MACROD2: variants seen among roughly 807,000 people sequenced by gnomAD.
MACROD2 encodes the protein ADP-ribose glycohydrolase MACROD2.
A neutral mutation model predicts 70.4 loss-of-function variants in MACROD2; 36 were observed. That is an observed-to-expected ratio of 0.51 (90% CI 0.39 to 0.68). The LOEUF is 0.68. MACROD2 is among the 30% of genes least tolerant of loss of function. The pLI, the probability that MACROD2 is intolerant of heterozygous loss-of-function variation, is 0.00. For missense variants in MACROD2, 496 were observed against 538.4 expected (o/e 0.92, Z 0.78); for synonymous variants, 172 against 178.8 (o/e 0.96, Z 0.30).
At chr20:15,981,199 G>A (rs2066393279) in intron 13 of MACROD2, among the ~76,000 whole-genome samples, 1 of 152,132 alleles carries the variant, frequency 6.6e-6, no homozygotes, top group Non-Finnish European at 1.5e-5. Context: ...GTATAACCTG[G>A]TAGGGTCAGG....
At chr20:15,870,270 C>G (rs907359184) in intron 9 of MACROD2, among the ~76,000 whole-genome samples, 3 of 149,710 alleles carry the variant, frequency 2.0e-5, no homozygotes, top group Admixed American at 1.3e-4. Context: ...TATTATTTGA[C>G]CTTTTTATCT....
intron 6 of MACROD2, among the ~76,000 whole-genome samples, chr20:15,413,529 C>T (rs948343176): frequency 6.6e-6 from 1 of 152,072 alleles, no homozygotes; most frequent in Non-Finnish European, 1.5e-5. Flanking sequence ...GGAAGGAAGA[C>T]TTCCCCTCAG....
chr20:14,763,417 G>A (rs1403144747), intron 5 of MACROD2, among the ~76,000 whole-genome samples: 1 of 152,242 alleles, frequency 6.6e-6, no homozygotes, highest in African/African-American at 2.4e-5. Context: ...TAATGGAATG[G>A]AATGATGTGA....
chr20:14,575,292 C>G (rs1254613038), intron 4 of MACROD2, among the ~76,000 whole-genome samples: 1 of 152,010 alleles, frequency 6.6e-6, no homozygotes, highest in Non-Finnish European at 1.5e-5. Flanking sequence ...AGGGTGGCAT[C>G]ATTTTACAGT....
intron 5 of MACROD2, among the ~76,000 whole-genome samples, chr20:14,711,248 T>C (rs1028576421): frequency 5.3e-5 from 8 of 152,206 alleles, no homozygotes; most frequent in African/African-American, 1.7e-4. Context: ...AGCATAGTTA[T>C]AACTCCCAGA....
At chr20:15,340,892 T>C (rs2078104095) in intron 6 of MACROD2, among the ~76,000 whole-genome samples, 1 of 152,172 alleles carries the variant, frequency 6.6e-6, no homozygotes, top group African/African-American at 2.4e-5. Flanking sequence ...TCTCATTATG[T>C]TGCCCAGGCT....
chr20:14,967,453 C>A (rs553728235), intron 5 of MACROD2, among the ~76,000 whole-genome samples: 1 of 151,942 alleles, frequency 6.6e-6, no homozygotes, highest in African/African-American at 2.4e-5. Context: ...CGTGAGCCAC[C>A]GTGCCTGGCC....
At chr20:14,717,335 C>T (rs1304322489) in intron 5 of MACROD2, among the ~76,000 whole-genome samples, 1 of 152,092 alleles carries the variant, frequency 6.6e-6, no homozygotes, top group Non-Finnish European at 1.5e-5. Flanking sequence ...TCAGAGGACA[C>T]TGTGTGTGTG....
chr20:14,847,204 T>C (rs1263279149), intron 5 of MACROD2, among the ~76,000 whole-genome samples: 1 of 152,194 alleles, frequency 6.6e-6, no homozygotes, highest in Non-Finnish European at 1.5e-5. Flanking sequence ...GGGAGTGTAA[T>C]GAGTTTTTCT....
intron 3 of MACROD2, among the ~76,000 whole-genome samples, chr20:14,414,730 A>G (rs973711918): frequency 6.6e-6 from 1 of 152,070 alleles, no homozygotes; most frequent in African/African-American, 2.4e-5. Flanking sequence ...TTCAAACAAC[A>G]CACAAGCCTC....
intron 4 of MACROD2, among the ~76,000 whole-genome samples, chr20:14,601,565 C>T (rs1177982758): frequency 6.6e-6 from 1 of 151,888 alleles, no homozygotes; most frequent in East Asian, 1.9e-4. Flanking sequence ...AAAAAACAAA[C>T]TTTCAGGTTA....
chr20:16,013,619 T>C (rs569884164), intron 15 of MACROD2, among the ~76,000 whole-genome samples: 10 of 152,338 alleles, frequency 6.6e-5, no homozygotes, highest in Admixed American at 3.9e-4. Context: ...GTGACAGTGC[T>C]CTGACTCTCC....
intron 5 of MACROD2, among the ~76,000 whole-genome samples, chr20:14,985,249 C>T (rs536352278): frequency 1.1e-4 from 16 of 152,294 alleles, no homozygotes; most frequent in African/African-American, 3.8e-4. Context: ...CATTCAGTAA[C>T]GTTTTTGCCC....
At chr20:14,423,102 A>G (rs903144626) in intron 3 of MACROD2, among the ~76,000 whole-genome samples, 2 of 152,206 alleles carry the variant, frequency 1.3e-5, no homozygotes, top group Admixed American at 6.5e-5. Context: ...ATTTGCAAAT[A>G]AAGTCTGTTC....
intron 5 of MACROD2, among the ~76,000 whole-genome samples, chr20:14,867,294 T>C (rs952199083): frequency 2.0e-5 from 3 of 152,158 alleles, no homozygotes; most frequent in Non-Finnish European, 4.4e-5. Flanking sequence ...ACATACTTAC[T>C]GTAGATTTTG....
At chr20:15,499,731 T>C (rs1251752941) in intron 7 of MACROD2, 43 bp from the exon 8 acceptor site, 12 of 1,596,164 alleles carry the variant, frequency 7.5e-6, no homozygotes, top group Non-Finnish European at 9.4e-6. Context: ...CCTTTTGCCT[T>C]CATCTTTCGT....
chr20:14,148,132 T>C (rs557217270), intron 3 of MACROD2, among the ~76,000 whole-genome samples: 12 of 152,326 alleles, frequency 7.9e-5, no homozygotes, highest in African/African-American at 1.9e-4. Context: ...CTTAGCTAAA[T>C]TGAGGGCTTG....
chr20:14,602,464 C>T (rs1224414004), intron 4 of MACROD2, among the ~76,000 whole-genome samples: 3 of 152,156 alleles, frequency 2.0e-5, no homozygotes, highest in South Asian at 4.1e-4. Context: ...GGTATTTGGC[C>T]GTCTCCTTGC....
chr20:15,721,583 T>G (rs936081032), intron 8 of MACROD2, among the ~76,000 whole-genome samples: 2 of 152,318 alleles, frequency 1.3e-5, no homozygotes, highest in Admixed American at 6.5e-5. Context: ...TTGATTGATT[T>G]ATTTTAGAAT....
Sources: gnomAD v4.1 joint callset for allele counts (sites outside exome capture counted in the v4.1 genomes callset) on GRCh38, gnomAD v4.1.1 for gene constraint, MANE v1.5 for transcripts, NCBI Gene and HGNC (gene_info 2026-07-23, HGNC 2026-07-21) for gene names.